ZNF83: variants seen among roughly 807,000 people sequenced by gnomAD.
The protein encoded by ZNF83 is zinc finger protein 816B.
For missense variants in ZNF83, 552 were observed against 629.9 expected (o/e 0.88, Z 1.32); for synonymous variants, 209 against 213.0 (o/e 0.98, Z 0.17).
chr19:52,645,134 A>C (rs1194613419), intron 3 of ZNF83, among the ~76,000 whole-genome samples: 1 of 152,154 alleles, frequency 6.6e-6, no homozygotes, highest in Non-Finnish European at 1.5e-5. Flanking sequence ...TTAATAGCTT[A>C]CAGCTCAAGA....
intron 1 of ZNF83, among the ~76,000 whole-genome samples, chr19:52,674,593 G>A (rs12971576): frequency 0.26 from 39,901 of 151,976 alleles, 5,452 homozygotes; most frequent in Non-Finnish European, 0.29. Flanking sequence ...TACAATATTA[G>A]CACCAAAATT....
chr19:52,634,922 G>C, intron 2 of ZNF83, 144 bp downstream of exon 2: 1 of 777,936 alleles, frequency 1.3e-6, no homozygotes, highest in Non-Finnish European at 2.2e-6. Flanking sequence ...AGTGAGATGA[G>C]AGGGACTGAG....
At chr19:52,632,167 G>C (rs1406395887) in intron 2 of ZNF83, among the ~76,000 whole-genome samples, 2 of 152,152 alleles carry the variant, frequency 1.3e-5, no homozygotes, top group Non-Finnish European at 2.9e-5. Context: ...CCTCTATACA[G>C]TCTGACAGCA....
In ZNF83 at chr19:52,666,002, CA is replaced by C. The variant is rs36054712; in HGVS notation, c.-282-5160del. ...TGAAACCCCGTCTCTACTAAAAATA[CA>C]AAAAAAAAAAATTAGCCGGGCATGG... On this transcript the variant is annotated intron_variant, in intron 1 of 5. Coordinates refer to the ZNF83 transcript ENST00000594682. Among the ~76,000 whole-genome samples, 972 of 144,256 alleles carry C rather than the reference CA, an allele frequency of 6.7e-3. 5 individuals are homozygous for C. Among genetic ancestry groups the C allele is most frequent in the African/African-American group, 0.012 (489 of 39,534 alleles). 94.6% of individuals were successfully genotyped at this position (144,256 alleles called of 152,430 possible).
At chr19:52,634,215 T>A (rs1198533135) in intron 2 of ZNF83, among the ~76,000 whole-genome samples, 5 of 145,682 alleles carry the variant, frequency 3.4e-5, no homozygotes, top group Non-Finnish European at 7.6e-5. Context: ...GAGGTTGCAG[T>A]AAGCCAAGAT....
At chr19:52,619,249 A>G (rs1290311585) in intron 2 of ZNF83, among the ~76,000 whole-genome samples, 1 of 152,176 alleles carries the variant, frequency 6.6e-6, no homozygotes, top group Non-Finnish European at 1.5e-5. Context: ...AGGTCATAAT[A>G]CCCTCTTGTT....
intron 1 of ZNF83, among the ~76,000 whole-genome samples, chr19:52,683,386 A>G (rs1418417297): frequency 6.6e-6 from 1 of 151,840 alleles, no homozygotes; most frequent in Admixed American, 6.6e-5. Context: ...TGCTGTTTGC[A>G]CTCTGATTCT....
chr19:52,681,331 T>G (rs1039433625), intron 1 of ZNF83, among the ~76,000 whole-genome samples: 1 of 144,752 alleles, frequency 6.9e-6, no homozygotes, highest in Non-Finnish European at 1.5e-5. Context: ...TCTCTACAGA[T>G]AGTATGTTCA....
At chr19:52,624,120 C>T (rs1338137250) in intron 2 of ZNF83, among the ~76,000 whole-genome samples, 1 of 152,190 alleles carries the variant, frequency 6.6e-6, no homozygotes, top group Non-Finnish European at 1.5e-5. Flanking sequence ...GCCCTCATTA[C>T]TTCAGCCAAG....
intron 1 of ZNF83, among the ~76,000 whole-genome samples, chr19:52,662,459 G>A (rs1156594004): frequency 1.3e-5 from 2 of 152,046 alleles, no homozygotes; most frequent in African/African-American, 2.4e-5. Context: ...GGTTAAAGTT[G>A]TGAAATGACA....
intron 3 of ZNF83, chr19:52,655,177 ACT>A (rs2061489798): frequency 5.0e-6 from 1 of 199,640 alleles, no homozygotes; most frequent in African/African-American, 2.4e-5. Context: ...AGAGAGGGAG[ACT>A]CTGTCTCAAA....
At chr19:52,672,387 T>C (rs955938288) in intron 1 of ZNF83, among the ~76,000 whole-genome samples, 1 of 152,220 alleles carries the variant, frequency 6.6e-6, no homozygotes, top group African/African-American at 2.4e-5. Context: ...CAAACACTAG[T>C]AATTAGCTAA....
At chr19:52,676,154 T>C in intron 1 of ZNF83, among the ~76,000 whole-genome samples, 1 of 152,304 alleles carries the variant, frequency 6.6e-6, no homozygotes, top group Middle Eastern at 3.4e-3. Context: ...CTGGTTTTCG[T>C]ATTTTTTTGG....
intron 2 of ZNF83, among the ~76,000 whole-genome samples, chr19:52,619,539 T>C (rs2060454917): frequency 6.6e-6 from 1 of 152,018 alleles, no homozygotes; most frequent in African/African-American, 2.4e-5. Context: ...GGCAGGAGAA[T>C]TGCTTGAAGC....
At chr19:52,623,743 TA>T (rs2060633145) in intron 2 of ZNF83, among the ~76,000 whole-genome samples, 1 of 152,114 alleles carries the variant, frequency 6.6e-6, no homozygotes, top group African/African-American at 2.4e-5. Flanking sequence ...CAACAGGCTT[TA>T]AGGGGATTAA....
At chr19:52,668,001 C>T (rs1181760883) in intron 1 of ZNF83, among the ~76,000 whole-genome samples, 5 of 152,164 alleles carry the variant, frequency 3.3e-5, no homozygotes, top group Non-Finnish European at 7.3e-5. Flanking sequence ...AGCAAGAAGG[C>T]ACCAAGGATT....
At chr19:52,672,757 G>A (rs1379216531) in intron 1 of ZNF83, among the ~76,000 whole-genome samples, 1 of 152,134 alleles carries the variant, frequency 6.6e-6, no homozygotes, top group Non-Finnish European at 1.5e-5. Context: ...TCGCCATCAT[G>A]CTGGGTTAAT....
At chr19:52,689,980 G>A (rs1464570410) in intron 1 of ZNF83, among the ~76,000 whole-genome samples, 2 of 152,174 alleles carry the variant, frequency 1.3e-5, no homozygotes, top group Non-Finnish European at 2.9e-5. Flanking sequence ...GGAGGTGGGG[G>A]GCGACGGCGC....
chr19:52,631,411 G>A (rs2060955411), intron 2 of ZNF83, among the ~76,000 whole-genome samples: 1 of 152,180 alleles, frequency 6.6e-6, no homozygotes, highest in African/African-American at 2.4e-5. Flanking sequence ...TGGCCATGAT[G>A]TCTGCGTGCA....
Sources: allele counts gnomAD v4.1 joint callset (sites outside exome capture counted in the v4.1 genomes callset), GRCh38; gene constraint gnomAD v4.1.1; transcripts MANE v1.5; gene names NCBI Gene and HGNC (gene_info 2026-07-23, HGNC 2026-07-21).